CAPS2: variants seen among roughly 807,000 people sequenced by gnomAD.
The protein encoded by CAPS2 is calcyphosin-2.
A neutral mutation model predicts 86.5 loss-of-function variants in CAPS2; 98 were observed. That is an observed-to-expected ratio of 1.13 (90% CI 0.96 to 1.34). CAPS2 has a LOEUF of 1.34. Ranked by LOEUF, CAPS2 falls within the 40% of genes most tolerant of loss-of-function variation. The pLI is 0.00. For missense variants in CAPS2, 729 were observed against 686.8 expected (o/e 1.06, Z -0.69); for synonymous variants, 210 against 225.1 (o/e 0.93, Z 0.60).
intron 1 of CAPS2, chr12:75,359,836 G>A (rs1482210715): frequency 6.6e-6 from 1 of 152,120 alleles, no homozygotes; most frequent in Non-Finnish European, 1.5e-5. Context: ...GATCGTTGAT[G>A]TATTTGTTCA....
At chr12:75,390,695 G>A in intron 1 of CAPS2, 1 of 432,466 alleles carries the variant, frequency 2.3e-6, no homozygotes, top group Non-Finnish European at 4.8e-6. Context: ...GGCACAATTA[G>A]AAGGTTCCTC....
rs554311915 is a variant in CAPS2, at chr12:75,285,306, A to G, written c.1396-226T>C. ...TTAGGAGCCATTTAGGAATGGCAATAGCTCACAAATTTACTTTTTTAAGTT... is the reference window on the plus strand; with the variant it reads ...TTAGGAGCCATTTAGGAATGGCAATGGCTCACAAATTTACTTTTTTAAGTT... On this transcript the variant is annotated intron_variant, in intron 14 of 16. Transcript: ENST00000393284. Among the ~76,000 whole-genome samples, 7 of 152,192 alleles carry G rather than the reference A, an allele frequency of 4.6e-5. No homozygotes were observed. In the South Asian group the frequency reaches 1.4e-3, roughly 31 times the overall value.
Position 75,322,165 on chromosome 12 carries a change from G to A in CAPS2, c.292-589C>T, listed in dbSNP as rs772520752. Among the ~76,000 whole-genome samples, 3 of 152,064 alleles carry A rather than the reference G, an allele frequency of 2.0e-5. 1 individual carries two copies. The highest frequency in any genetic ancestry group is 4.1e-4 in the South Asian group (2 of 4,836). ...ATTTTGCTGCCACTCAGTAAAGTAC[G>A]TGCTTACAGAAACCTTCATTCTGTT... is the stretch of plus-strand genomic sequence containing the variant. On this transcript the variant is annotated intron_variant, in intron 4 of 16. Transcript: ENST00000393284.
chr12:75,316,549 A>G (rs2039784051), intron 5 of CAPS2, 115 bp from the exon 6 acceptor site: 2 of 951,744 alleles, frequency 2.1e-6, no homozygotes. Flanking sequence ...TACAACAGTT[A>G]AAAGTACAGG....
intron 1 of CAPS2, among the ~76,000 whole-genome samples, chr12:75,337,222 A>T (rs1224228452): frequency 6.6e-6 from 1 of 151,822 alleles, no homozygotes; most frequent in East Asian, 1.9e-4. Flanking sequence ...AATTAAGCAC[A>T]AGAAAATTTT....
chr12:75,292,603 T>C (rs866853787), intron 12 of CAPS2, among the ~76,000 whole-genome samples: 105 of 147,130 alleles, frequency 7.1e-4, no homozygotes, highest in Middle Eastern at 3.6e-3. Context: ...TATATATACA[T>C]ATTATATATG....
chr12:75,381,296 T>C (rs1411422642), intron 1 of CAPS2, among the ~76,000 whole-genome samples: 1 of 152,188 alleles, frequency 6.6e-6, no homozygotes, highest in African/African-American at 2.4e-5. Context: ...TGTGAGAACT[T>C]CCCTAGCCAT....
intron 1 of CAPS2, among the ~76,000 whole-genome samples, chr12:75,343,073 T>A (rs974700846): frequency 1.3e-5 from 2 of 152,002 alleles, no homozygotes; most frequent in African/African-American, 4.8e-5. Flanking sequence ...AATCTGTGAA[T>A]AATGATAGAT....
At chr12:75,346,443 T>C (rs1273141253) in intron 1 of CAPS2, among the ~76,000 whole-genome samples, 1 of 151,522 alleles carries the variant, frequency 6.6e-6, no homozygotes, top group Non-Finnish European at 1.5e-5. Flanking sequence ...CAGACTGGAG[T>C]ACAGTGGCGT....
upstream of CAPS2, among the ~76,000 whole-genome samples, chr12:75,327,255 G>T (rs142703230): frequency 8.2e-3 from 1,247 of 152,168 alleles, 7 homozygotes; most frequent in African/African-American, 0.029. Context: ...AAACCTTTAT[G>T]AGTTTTGGTT....
At position 75,363,196 on chromosome 12, in the gene CAPS2, C is replaced by T. The variant is rs2043730821; in HGVS notation, c.-395+27642G>A. 3.9e-6 allele frequency: 5 copies of T among 1,289,488 alleles called. No homozygotes were observed. The East Asian group carries it at 8.1e-5, about 21-fold the overall frequency. 79.9% of individuals were successfully genotyped at this position (1,289,488 alleles called of 1,614,324 possible). ...ATGTGTAAAGAACCTCTGCAGTAAG[C>T]AAAAATATATATATATAATTACATT... is the stretch of plus-strand genomic sequence containing the variant. On this transcript the variant is annotated intron_variant, in intron 1 of 5. Coordinates refer to the CAPS2 transcript ENST00000551829.
At chr12:75,343,340 T>C (rs1165649549) in intron 1 of CAPS2, among the ~76,000 whole-genome samples, 1 of 152,050 alleles carries the variant, frequency 6.6e-6, no homozygotes, top group Non-Finnish European at 1.5e-5. Flanking sequence ...TAATTATCAA[T>C]GAGTATTCAT....
At chr12:75,364,842 A>G (rs2043858509) in intron 1 of CAPS2, 1 of 152,144 alleles carries the variant, frequency 6.6e-6, no homozygotes, top group Non-Finnish European at 1.5e-5. Context: ...ATCTTCATAA[A>G]TCTCATAACT....
intron 15 of CAPS2, among the ~76,000 whole-genome samples, chr12:75,283,161 A>C (rs2034283487): frequency 6.6e-6 from 1 of 152,222 alleles, no homozygotes. Context: ...ACTTTTTAAA[A>C]TGTAGTTGTG....
At chr12:75,293,259 C>T (rs117753158) in exon 12 of CAPS2, 27,631 of 1,583,924 alleles carry the variant, frequency 0.017, 308 homozygotes, top group Non-Finnish European at 0.021. Context: ...TTGAGAGAAT[C>T]CAAAGCTATT....
At chr12:75,351,161 AC>A (rs1008713172) in intron 1 of CAPS2, among the ~76,000 whole-genome samples, 1 of 152,168 alleles carries the variant, frequency 6.6e-6, no homozygotes, top group African/African-American at 2.4e-5. Context: ...AAAGGAACAA[AC>A]AAAACCTGTG....
intron 16 of CAPS2, among the ~76,000 whole-genome samples, chr12:75,279,533 G>A (rs1159070524): frequency 6.6e-6 from 1 of 151,914 alleles, no homozygotes; most frequent in Non-Finnish European, 1.5e-5. Flanking sequence ...TTGTCTAATG[G>A]GGTGGACAAA....
chr12:75,299,901 G>A lies in CAPS2; in HGVS notation c.790C>T (p.His264Tyr), dbSNP rs763959666. The A allele has an allele frequency of 1.4e-6, 2 of 1,457,220 alleles. No homozygotes were observed. Among genetic ancestry groups the A allele is most frequent in the Non-Finnish European group, 9.4e-7 (1 of 1,062,200 alleles). 90.3% of individuals were successfully genotyped at this position (1,457,220 alleles called of 1,614,324 possible). A position where few individuals can be genotyped will look rare whatever the true frequency, so the allele number is the denominator to read the frequency against. Residue 264 changes from histidine to tyrosine, a missense_variant, in exon 9 of 17, where the codon CAT (histidine) becomes TAT (tyrosine). His to Tyr is a moderately conservative substitution (Grantham distance 83, BLOSUM62 2). Coordinates refer to ENST00000393284, the Ensembl canonical transcript of CAPS2. ...AGCACATTTTCAGTTAATGTAGAAT[G>A]AGTTCTTATCCTGTTAAGAAATACA... is the stretch of plus-strand genomic sequence containing the variant.
intron 1 of CAPS2, among the ~76,000 whole-genome samples, chr12:75,377,711 G>A (rs1375245867): frequency 1.3e-5 from 2 of 151,988 alleles, no homozygotes; most frequent in Admixed American, 1.3e-4. Flanking sequence ...CATTGAGGGT[G>A]GGTCTGCCTC....
Sources: allele counts gnomAD v4.1 joint callset (sites outside exome capture counted in the v4.1 genomes callset), GRCh38; gene constraint gnomAD v4.1.1; transcripts MANE v1.5; gene names NCBI Gene and HGNC (gene_info 2026-07-23, HGNC 2026-07-21).